ADGRV1: variants seen among roughly 807,000 people sequenced by gnomAD.
ADGRV1 encodes adhesion G protein-coupled receptor V1.
ADGRV1 carries 359 observed loss-of-function variants against 596.2 expected under a neutral mutation model. The ratio of observed to expected loss-of-function variants is 0.60; its 90% CI spans 0.55 to 0.66. The LOEUF is 0.66. Ranked by LOEUF, ADGRV1 falls within the 30% of genes least tolerant of loss-of-function variation. ADGRV1 has a pLI of 0.00. For synonymous variants in ADGRV1, 2,681 were observed against 2,679.2 expected (o/e 1.00, Z -0.02); for missense variants, 7,274 against 7,575.6 (o/e 0.96, Z 1.48).
rs1312477726 is a variant in ADGRV1, at chr5:90,755,062, A to G, written c.11457A>G (p.Gln3819=). 3.7e-6 allele frequency: 6 copies of G among 1,612,408 alleles called. No individual in the cohort carries two copies. In the African/African-American group the frequency reaches 5.3e-5, roughly 14 times the overall value. The part of the protein sequence containing the change: ...LGDIAIHLRA[Q]PNFLLHVDNQ... The stretch of plus-strand genomic sequence containing the variant: ...ATATTGCCATTCACTTGAGAGCTCA[A>G]CCCAATTTCTTACTGCATGTCGATA... The change falls in exon 55 of 90, where the codon CAA becomes CAG. Residue 3819 remains glutamine, a synonymous_variant. Transcript: ENST00000405460.
intron 83 of ADGRV1, among the ~76,000 whole-genome samples, chr5:90,948,072 A>G (rs1162242885): frequency 6.6e-6 from 1 of 152,044 alleles, no homozygotes; most frequent in Non-Finnish European, 1.5e-5. Flanking sequence ...ATGAATTATG[A>G]CTTATTCTAT....
At chr5:90,735,098 C>T (rs1753051090) in intron 50 of ADGRV1, among the ~76,000 whole-genome samples, 1 of 152,192 alleles carries the variant, frequency 6.6e-6, no homozygotes, top group African/African-American at 2.4e-5. Context: ...ATCAAAAAAT[C>T]CTTGCCCAGA....
chr5:91,101,429 A>G (rs1181765064), intron 86 of ADGRV1, among the ~76,000 whole-genome samples: 1 of 152,178 alleles, frequency 6.6e-6, no homozygotes, highest in Non-Finnish European at 1.5e-5. Flanking sequence ...ATGTCTTTCA[A>G]CAGCTTGAAA....
rs750433146 is a variant in ADGRV1 at position 90,781,464 on chromosome 5, C to T, written c.13117C>T (p.Gln4373Ter). Reference sequence around the variant, plus strand: ...TTTTACCATTCAAGAAAATGGACTTCAGATAGATCAACCTCCTGAAATAGG... The same window carrying T: ...TTTTACCATTCAAGAAAATGGACTTTAGATAGATCAACCTCCTGAAATAGG... ...YDFTIQENGL[Q>*]IDQPPEIGNI... Residue 4373 changes from glutamine (Q) to a stop codon, truncating the protein, a stop_gained, in exon 65 of 90, where the codon CAG (glutamine) becomes TAG (stop). Transcript: ENST00000405460. LOFTEE classifies it high-confidence loss of function. 1 of 1,608,522 alleles carries T rather than the reference C, an allele frequency of 6.2e-7. No individual in the cohort carries two copies. Among genetic ancestry groups the T allele is most frequent in the Non-Finnish European group, 8.5e-7 (1 of 1,176,870 alleles).
intron 83 of ADGRV1, among the ~76,000 whole-genome samples, chr5:90,918,632 AAAT>A (rs1311087530): frequency 6.6e-6 from 1 of 152,180 alleles, no homozygotes; most frequent in African/African-American, 2.4e-5. Flanking sequence ...TTTACACTGT[AAAT>A]AATAATAAGT....
At chr5:91,098,781 T>C (rs1157010687) in intron 86 of ADGRV1, among the ~76,000 whole-genome samples, 1 of 152,222 alleles carries the variant, frequency 6.6e-6, no homozygotes, top group Non-Finnish European at 1.5e-5. Context: ...CGCTTTGCTC[T>C]AAGCACTTAG....
chr5:90,596,637 A>T (rs1001733279), intron 1 of ADGRV1, among the ~76,000 whole-genome samples: 18 of 152,278 alleles, frequency 1.2e-4, no homozygotes, highest in African/African-American at 4.1e-4. Context: ...AAAAAATACG[A>T]AAACCAGTCA....
At position 90,672,654 on chromosome 5, in the gene ADGRV1, A is replaced by C. The variant is rs1561499258; in HGVS notation, c.4861A>C (p.Asn1621His). ...TTCACAGATTGAAACTGATGGCATT[A>C]ATTACCTTGTTGATGACTTTGCTAA... is the stretch of plus-strand genomic sequence containing the variant. ...TISQIETDGINYLVDDFANAS... is the reference protein window; with the variant it reads ...TISQIETDGIHYLVDDFANAS... The change falls in exon 22 of 90, where the codon AAT becomes CAT. Residue 1621 changes from asparagine (N) to histidine (H), a missense_variant. Transcript: ENST00000405460. 1 of 1,613,710 alleles carries C rather than the reference A, an allele frequency of 6.2e-7. No individual in the cohort carries two copies. The highest frequency in any genetic ancestry group is 8.5e-7 in the Non-Finnish European group (1 of 1,179,698).
chr5:91,015,369 G>A (rs1286237085), intron 85 of ADGRV1, among the ~76,000 whole-genome samples: 1 of 152,044 alleles, frequency 6.6e-6, no homozygotes, highest in Admixed American at 6.6e-5. Flanking sequence ...GTTTTTGGGT[G>A]GAGAGTTCTG....
intron 78 of ADGRV1, chr5:90,846,404 A>G (rs1245360917): frequency 6.5e-6 from 1 of 154,732 alleles, no homozygotes; most frequent in Non-Finnish European, 1.4e-5. Flanking sequence ...TCAGAAGGTA[A>G]TGGAGTAAGT....
At chr5:90,623,021 G>A (rs1327264847) in intron 5 of ADGRV1, among the ~76,000 whole-genome samples, 4 of 152,168 alleles carry the variant, frequency 2.6e-5, no homozygotes, top group Non-Finnish European at 4.4e-5. Context: ...GGTTACAGGC[G>A]TGAGCCACTG....
At chr5:90,706,198 A>C in intron 37 of ADGRV1, 33 bp from the exon 38 acceptor site, 1 of 1,572,770 alleles carries the variant, frequency 6.4e-7, no homozygotes, top group Middle Eastern at 1.7e-4. Context: ...CATTTAGATA[A>C]TTATAAAACA....
intron 20 of ADGRV1, 118 bp from the exon 21 acceptor site, chr5:90,657,787 A>C: frequency 9.4e-7 from 1 of 1,069,276 alleles, no homozygotes; most frequent in South Asian, 2.3e-5. Context: ...GTTATGCAAA[A>C]GTTTCATTTA....
intron 83 of ADGRV1, among the ~76,000 whole-genome samples, chr5:90,925,369 A>T (rs942138475): frequency 6.6e-6 from 1 of 151,494 alleles, no homozygotes; most frequent in Admixed American, 6.6e-5. Flanking sequence ...TTGGATTCCT[A>T]GGTATTTTAT....
intron 85 of ADGRV1, among the ~76,000 whole-genome samples, chr5:91,056,233 A>G (rs1037887511): frequency 3.3e-5 from 5 of 151,884 alleles, no homozygotes; most frequent in Non-Finnish European, 7.4e-5. Flanking sequence ...AGTGCATCTC[A>G]TCGATTTGCT....
intron 1 of ADGRV1, among the ~76,000 whole-genome samples, chr5:90,613,674 G>T (rs955553601): frequency 7.2e-5 from 11 of 152,084 alleles, no homozygotes; most frequent in Non-Finnish European, 1.3e-4. Flanking sequence ...CGGCATCCCT[G>T]TCTGGATTTT....
intron 78 of ADGRV1, among the ~76,000 whole-genome samples, chr5:90,847,785 C>T (rs1329210549): frequency 6.6e-6 from 1 of 152,320 alleles, no homozygotes; most frequent in East Asian, 1.9e-4. Context: ...CCACTGAGCC[C>T]ACGCCCACCC....
chr5:90,882,593 G>A lies in ADGRV1; in HGVS notation c.17856+18736G>A, dbSNP rs552620504. On this transcript the variant is annotated intron_variant, in intron 83 of 89. Coordinates refer to ENST00000405460, the MANE Select transcript of ADGRV1 (RefSeq NM_032119.4). ...CGAGAAAGCTATTGTTCTGGATGGG[G>A]AAACTCCCTTTGTGCCCTGCAGGGC... Among the ~76,000 whole-genome samples the A allele has an allele frequency of 3.9e-4, 59 of 152,272 alleles. 1 individual carries two copies. In the South Asian group the frequency reaches 0.012, roughly 31 times the overall value.
intron 87 of ADGRV1, among the ~76,000 whole-genome samples, chr5:91,120,195 G>A (rs1793187067): frequency 6.6e-6 from 1 of 152,148 alleles, no homozygotes; most frequent in Non-Finnish European, 1.5e-5. Context: ...TTGTAAAGAG[G>A]GATGAAGGGA....
Sources: gnomAD v4.1 joint callset for allele counts (sites outside exome capture counted in the v4.1 genomes callset) on GRCh38, gnomAD v4.1.1 for gene constraint, MANE v1.5 for transcripts, NCBI Gene and HGNC (gene_info 2026-07-23, HGNC 2026-07-21) for gene names.